RAPGEF4: variants seen among roughly 807,000 people sequenced by gnomAD.
RAPGEF4 encodes the protein Rap guanine nucleotide exchange factor 4.
RAPGEF4 carries 66 observed loss-of-function variants against 147.9 expected under a neutral mutation model. That is an observed-to-expected ratio of 0.45 (90% CI 0.37 to 0.55). RAPGEF4 has a LOEUF of 0.55. Among genes scored for constraint, RAPGEF4 ranks in the 20% least tolerant of loss-of-function variants. RAPGEF4 has a pLI of 0.00. For synonymous variants in RAPGEF4, 419 were observed against 442.7 expected (o/e 0.95, Z 0.67); for missense variants, 1,071 against 1,257.3 (o/e 0.85, Z 2.24).
At chr2:172,983,693 A>G in intron 11 of RAPGEF4, 113 bp downstream of exon 11, 1 of 1,478,482 alleles carries the variant, frequency 6.8e-7, no homozygotes, top group Non-Finnish European at 8.9e-7. Context: ...TTTTCACCTC[A>G]TAAATCACCT....
intron 4 of RAPGEF4, among the ~76,000 whole-genome samples, chr2:172,824,875 A>G (rs1449058082): frequency 6.6e-6 from 1 of 152,230 alleles, no homozygotes; most frequent in Non-Finnish European, 1.5e-5. Flanking sequence ...GAGGCTCTCA[A>G]CTATCCCCAG....
intron 1 of RAPGEF4, among the ~76,000 whole-genome samples, chr2:172,748,487 T>C (rs1025387863): frequency 1.5e-4 from 23 of 152,046 alleles, no homozygotes; most frequent in African/African-American, 5.6e-4. Flanking sequence ...TACCATCAGA[T>C]CTCATGAGAC....
At chr2:172,983,710 T>C in intron 11 of RAPGEF4, 130 bp downstream of exon 11, 1 of 1,421,564 alleles carries the variant, frequency 7.0e-7, no homozygotes, top group Admixed American at 3.0e-5. Context: ...ACCTCTACTC[T>C]CTTACGAGAT....
intron 1 of RAPGEF4, among the ~76,000 whole-genome samples, chr2:172,760,278 A>G (rs529677749): frequency 4.0e-4 from 61 of 152,372 alleles, no homozygotes; most frequent in African/African-American, 1.4e-3. Context: ...CATCATAAAA[A>G]TACTCCACTG....
At chr2:172,758,733 C>A (rs555162590) in intron 1 of RAPGEF4, among the ~76,000 whole-genome samples, 2,163 of 152,178 alleles carry the variant, frequency 0.014, 51 homozygotes, top group African/African-American at 0.049. Context: ...ACGCGGAAGG[C>A]TGTAGATAAG....
chr2:172,995,245 TTG>T (rs71018528), intron 15 of RAPGEF4, among the ~76,000 whole-genome samples: 10,219 of 138,468 alleles, frequency 0.074, 360 homozygotes, highest in East Asian at 0.11. Flanking sequence ...ACTTGCCTGT[TTG>T]TGTGTGTGTG....
Position 173,026,759 on chromosome 2 carries a change from G to T in RAPGEF4, c.2379+62G>T, listed in dbSNP as rs1439346886. 1.0e-5 allele frequency: 16 copies of T among 1,586,182 alleles called. No homozygotes were observed. The South Asian group carries it at 1.9e-4, about 18-fold the overall frequency. On this transcript the variant is annotated intron_variant, in intron 24 of 30. Transcript: ENST00000397081. The stretch of plus-strand genomic sequence containing the variant: ...AGCAAGGATAAAGGCTGCTGGCATT[G>T]CTTAGTTTGTAAGTGCTAATATGTG...
intron 6 of RAPGEF4, among the ~76,000 whole-genome samples, chr2:172,946,033 T>G (rs1687642986): frequency 6.6e-6 from 1 of 152,184 alleles, no homozygotes; most frequent in South Asian, 2.1e-4. Context: ...CCTAAGTTTA[T>G]AGCATATTAA....
intron 29 of RAPGEF4, among the ~76,000 whole-genome samples, chr2:173,043,273 A>G (rs1346797716): frequency 6.6e-6 from 1 of 152,222 alleles, no homozygotes; most frequent in Non-Finnish European, 1.5e-5. Context: ...GAAATGTAAG[A>G]AAAAGCAATC....
intron 4 of RAPGEF4, among the ~76,000 whole-genome samples, chr2:172,819,972 T>C (rs1688915243): frequency 1.3e-5 from 2 of 152,212 alleles, no homozygotes; most frequent in African/African-American, 4.8e-5. Flanking sequence ...ACTGATCTAT[T>C]ATCCAAGTCC....
At chr2:172,920,771 T>C (rs1256981286) in intron 5 of RAPGEF4, among the ~76,000 whole-genome samples, 1 of 152,164 alleles carries the variant, frequency 6.6e-6, no homozygotes, top group Non-Finnish European at 1.5e-5. Context: ...TTATATCCCA[T>C]AACCTCATAC....
chr2:172,784,828 ATT>A (rs34032216), intron 1 of RAPGEF4, among the ~76,000 whole-genome samples: 5 of 143,476 alleles, frequency 3.5e-5, no homozygotes, highest in Non-Finnish European at 4.6e-5. Flanking sequence ...ATGAGATTCT[ATT>A]TTTTTTTTTT....
Position 172,795,131 on chromosome 2 carries a change from T to C in RAPGEF4, c.172T>C (p.Cys58Arg), listed in dbSNP as rs1382742600. ...HPNLLHQICL[C>R]GYYENLEKGI... The stretch of plus-strand genomic sequence containing the variant: ...AAATCTCCTTCATCAGATTTGCTTA[T>C]GTGGTTATTATGAGAATCTGGAAAA... Residue 58 changes from cysteine (C) to arginine (R), a missense_variant, in exon 2 of 31, where the codon TGT (cysteine) becomes CGT (arginine). Transcript: ENST00000397081. The C allele has an allele frequency of 4.3e-6, 7 of 1,611,770 alleles. No homozygotes were observed. Among genetic ancestry groups the C allele is most frequent in the Non-Finnish European group, 5.1e-6 (6 of 1,178,060 alleles).
chr2:172,745,203 G>C (rs1574667791), intron 1 of RAPGEF4, among the ~76,000 whole-genome samples: 1 of 151,888 alleles, frequency 6.6e-6, no homozygotes, highest in South Asian at 2.1e-4. Flanking sequence ...ATGTCTTATA[G>C]ATGTCATCTG....
At chr2:172,859,411 AT>A (rs1693776211) in intron 4 of RAPGEF4, among the ~76,000 whole-genome samples, 1 of 152,248 alleles carries the variant, frequency 6.6e-6, no homozygotes, top group Non-Finnish European at 1.5e-5. Context: ...GGTTGAGAAG[AT>A]TTTAAACATG....
chr2:172,981,994 A>T (rs1691729103), intron 10 of RAPGEF4, among the ~76,000 whole-genome samples: 1 of 152,204 alleles, frequency 6.6e-6, no homozygotes, highest in Admixed American at 6.5e-5. Context: ...ACAAATAAAT[A>T]TGTAGACACC....
chr2:172,869,579 G>A (rs1489007654), intron 4 of RAPGEF4, among the ~76,000 whole-genome samples: 1 of 152,156 alleles, frequency 6.6e-6, no homozygotes, highest in Non-Finnish European at 1.5e-5. Context: ...GGATGGGGGT[G>A]TTTGTCAGCT....
intron 4 of RAPGEF4, among the ~76,000 whole-genome samples, chr2:172,863,617 T>C (rs1694271469): frequency 6.6e-6 from 1 of 152,194 alleles, no homozygotes; most frequent in Non-Finnish European, 1.5e-5. Context: ...TTTCAGAACA[T>C]AACCATTCAT....
intron 6 of RAPGEF4, chr2:172,928,223 T>C (rs1467586959): frequency 1.3e-5 from 6 of 454,728 alleles, no homozygotes; most frequent in South Asian, 9.4e-5. Flanking sequence ...GTTTTTGTAC[T>C]TGTGAGTTAT....
Sources: gnomAD v4.1 joint callset for allele counts (sites outside exome capture counted in the v4.1 genomes callset) on GRCh38, gnomAD v4.1.1 for gene constraint, MANE v1.5 for transcripts, NCBI Gene and HGNC (gene_info 2026-07-23, HGNC 2026-07-21) for gene names.